The following SNX30 variants were observed in gnomAD, a reference collection of about 807,000 sequenced individuals.
SNX30 encodes the protein sorting nexin-30.
Under a neutral mutation model 46.4 loss-of-function variants are expected in SNX30, and 24 were observed. The ratio of observed to expected loss-of-function variants is 0.52; its 90% CI spans 0.37 to 0.73. SNX30 has a LOEUF of 0.73. Ranked by LOEUF, SNX30 falls within the 30% of genes least tolerant of loss-of-function variation. The pLI is 0.00. For missense variants in SNX30, 533 were observed against 555.7 expected (o/e 0.96, Z 0.41); for synonymous variants, 189 against 211.5 (o/e 0.89, Z 0.92).
chr9:112,767,543 TG>T (rs1210123431), intron 1 of SNX30, among the ~76,000 whole-genome samples: 1 of 152,116 alleles, frequency 6.6e-6, no homozygotes, highest in Non-Finnish European at 1.5e-5. Context: ...AGGAGTTTTA[TG>T]GTTTTGGGTC....
intron 1 of SNX30, among the ~76,000 whole-genome samples, chr9:112,759,597 C>T (rs1310659493): frequency 1.3e-5 from 2 of 152,078 alleles, no homozygotes; most frequent in South Asian, 2.1e-4. Context: ...GGCATGGTGG[C>T]GCACACCTGT....
At chr9:112,795,765 T>TCACACACACACA (rs1554751568) in intron 1 of SNX30, among the ~76,000 whole-genome samples, 3,562 of 123,204 alleles carry the variant, frequency 0.029, 48 homozygotes, top group Admixed American at 0.037. Context: ...CACAGTACAG[T>TCACACACACACA]CACACACACA....
At chr9:112,875,844 T>G (rs1472826248), downstream of SNX30, 2 of 152,204 alleles carry the variant, frequency 1.3e-5, no homozygotes, top group Non-Finnish European at 2.9e-5. Context: ...TGAAGTGCAG[T>G]GGCATGATCT....
At chr9:112,811,906 C>A (rs1327667389) in intron 2 of SNX30, among the ~76,000 whole-genome samples, 2 of 152,170 alleles carry the variant, frequency 1.3e-5, no homozygotes, top group African/African-American at 4.8e-5. Flanking sequence ...AAGTTAGATC[C>A]TGAATTTCAT....
chr9:112,811,987 CCT>C (rs765471626), intron 2 of SNX30, among the ~76,000 whole-genome samples: 1 of 152,106 alleles, frequency 6.6e-6, no homozygotes, highest in Non-Finnish European at 1.5e-5. Flanking sequence ...TACTGTGAGT[CCT>C]ATAAATGTGT....
At chr9:112,850,249 G>T (rs997177512) in intron 6 of SNX30, among the ~76,000 whole-genome samples, 13 of 152,200 alleles carry the variant, frequency 8.5e-5, no homozygotes, top group African/African-American at 3.1e-4. Flanking sequence ...ACTTGCACAG[G>T]TATAGCCCCT....
At chr9:112,883,940 C>T (rs1019859239), downstream of SNX30, among the ~76,000 whole-genome samples, 1 of 152,206 alleles carries the variant, frequency 6.6e-6, no homozygotes, top group Non-Finnish European at 1.5e-5. Flanking sequence ...TATGATCCAT[C>T]CGCCTTGGCC....
chr9:112,867,747 G>C (rs1841384892), intron 8 of SNX30, among the ~76,000 whole-genome samples: 1 of 98,012 alleles, frequency 1.0e-5, no homozygotes, highest in Non-Finnish European at 2.0e-5. Flanking sequence ...CACCTCTTCA[G>C]AACCTCTCCC....
At chr9:112,856,311 CTGGCCTGTGGTGTGTG>C (rs1841126442) in intron 7 of SNX30, among the ~76,000 whole-genome samples, 1 of 107,682 alleles carries the variant, frequency 9.3e-6, no homozygotes, top group African/African-American at 3.5e-5. Flanking sequence ...TGTTGGGGGG[CTGGCCTGTGGTGTGTG>C]TGGGGGGTGG....
At chr9:112,862,406 G>C (rs542387429) in intron 7 of SNX30, among the ~76,000 whole-genome samples, 283 of 152,296 alleles carry the variant, frequency 1.9e-3, no homozygotes, top group Non-Finnish European at 2.8e-3. Flanking sequence ...AAGGGAACTG[G>C]CCTGTGCCTG....
chr9:112,807,312 C>T (rs138723024), intron 2 of SNX30, among the ~76,000 whole-genome samples: 5,740 of 152,094 alleles, frequency 0.038, 371 homozygotes, highest in African/African-American at 0.13. Flanking sequence ...GTGATCTGCC[C>T]GCCTGGGCCT....
Position 112,804,877 on chromosome 9 carries a change from T to A in SNX30, c.258T>A (p.Gly86=). The change falls in exon 2 of 9, where the codon GGT becomes GGA. Residue 86 remains glycine, a synonymous_variant. Transcript: ENST00000374232. ...TTCAGCTTGATGATGATATTGATGG[T>A]GAGACTAGAGATCTCTTCGTTATAG... The part of the protein sequence containing the change: ...NRLQLDDDID[G]ETRDLFVIVD... 6.2e-7 allele frequency: 1 copy of A among 1,614,036 alleles called. No individual in the cohort carries two copies. The highest frequency in any genetic ancestry group is 2.2e-5 in the East Asian group (1 of 44,872).
intron 2 of SNX30, 25 bp from the exon 3 acceptor site, chr9:112,817,680 T>C (rs372503721): frequency 1.0e-5 from 14 of 1,399,644 alleles, no homozygotes; most frequent in Middle Eastern, 1.8e-4. Flanking sequence ...CTTATGCTTA[T>C]TTTTTTCCAT....
At chr9:112,815,890 T>G (rs764232832) in intron 2 of SNX30, among the ~76,000 whole-genome samples, 2 of 152,180 alleles carry the variant, frequency 1.3e-5, no homozygotes, top group Non-Finnish European at 2.9e-5. Flanking sequence ...TCGCCTAGGC[T>G]GAAGTGCAGT....
intron 1 of SNX30, among the ~76,000 whole-genome samples, chr9:112,751,593 C>T (rs1839277698): frequency 6.6e-6 from 1 of 152,190 alleles, no homozygotes; most frequent in Non-Finnish European, 1.5e-5. Context: ...GACCGGGCAG[C>T]CCTGGGCTTA....
rs950583672 is a variant in SNX30, at chr9:112,835,555, G to C, written c.619-659G>C. ...TGGTCTTGAACTCCTGACCTCAAGT[G>C]ATCTGCCCACCTCAGCCTCCCACAG... is the stretch of plus-strand genomic sequence containing the variant. On this transcript the variant is annotated intron_variant, in intron 4 of 8. Coordinates refer to ENST00000374232, the MANE Select transcript of SNX30 (RefSeq NM_001012994.2). Among the ~76,000 whole-genome samples, 5 of 151,226 alleles carry C rather than the reference G, an allele frequency of 3.3e-5. No individual in the cohort carries two copies. In the South Asian group the frequency reaches 1.0e-3, roughly 32 times the overall value.
intron 6 of SNX30, among the ~76,000 whole-genome samples, chr9:112,849,515 A>G (rs1840991708): frequency 6.6e-6 from 1 of 152,224 alleles, no homozygotes. Context: ...CTACTCAAAG[A>G]TGAATGAGTG....
In SNX30 at chr9:112,777,672, T is replaced by C. The variant is rs922464984; in HGVS notation, c.156+26515T>C. ...ATGTTGCCCAGACTGGTCTTAATAC[T>C]CCTAGCCTCAAGTGATCCTCCCGCC... On this transcript the variant is annotated intron_variant, in intron 1 of 8. Coordinates refer to ENST00000374232, the MANE Select transcript of SNX30 (RefSeq NM_001012994.2). 2.2e-5 allele frequency among the ~76,000 whole-genome samples: 3 copies of C among 136,498 alleles called. No homozygotes were observed. In the Admixed American group the frequency reaches 2.5e-4, roughly 11 times the overall value. 89.5% of individuals were successfully genotyped at this position (136,498 alleles called of 152,430 possible).
downstream of SNX30, among the ~76,000 whole-genome samples, chr9:112,883,761 G>A (rs1453873832): frequency 1.4e-5 from 2 of 148,098 alleles, no homozygotes; most frequent in African/African-American, 2.5e-5. Context: ...GCAGTGGCAC[G>A]ATCTCAGCTC....
Sources: allele counts gnomAD v4.1 joint callset (sites outside exome capture counted in the v4.1 genomes callset), GRCh38; gene constraint gnomAD v4.1.1; transcripts MANE v1.5; gene names NCBI Gene and HGNC (gene_info 2026-07-23, HGNC 2026-07-21).